The following ZRANB1 variants were observed in gnomAD, a reference collection of about 807,000 sequenced individuals.
ZRANB1 encodes ubiquitin thioesterase ZRANB1.
In ZRANB1, 16 loss-of-function variants were observed where a neutral mutation model predicts 80.5. The ratio of observed to expected loss-of-function variants is 0.20; its 90% CI spans 0.13 to 0.30. The LOEUF (loss-of-function observed/expected upper bound fraction) is 0.30. Ranked by LOEUF, ZRANB1 falls within the 10% of genes least tolerant of loss-of-function variation. ZRANB1 has a pLI of 1.00. For synonymous variants in ZRANB1, 291 were observed against 293.1 expected, an observed-to-expected ratio of 0.99 and a Z score of 0.07; for missense variants, 576 against 862.6, an observed-to-expected ratio of 0.67 and a Z score of 4.16.
intron 1 of ZRANB1, among the ~76,000 whole-genome samples, chr10:124,964,678 T>G (rs1951763300): frequency 1.3e-5 from 2 of 152,204 alleles, no homozygotes; most frequent in Non-Finnish European, 2.9e-5. Context: ...TTGGAAGTGT[T>G]TGGAACATTT....
chr10:124,959,908 G>A (rs1440081236), intron 1 of ZRANB1, among the ~76,000 whole-genome samples: 2 of 152,224 alleles, frequency 1.3e-5, no homozygotes, highest in Non-Finnish European at 1.5e-5. Context: ...TATAGCTGGG[G>A]TAGAGTCAGT....
the ZRANB1 span, among the ~76,000 whole-genome samples, chr10:124,935,305 G>C: frequency 6.6e-6 from 1 of 152,324 alleles, no homozygotes; most frequent in Non-Finnish European, 1.5e-5. Flanking sequence ...ATCTGGTCAA[G>C]GATATAGGAA....
chr10:124,922,256 GTAAAATATATATATATATA>G, the ZRANB1 span, among the ~76,000 whole-genome samples: 1 of 110,500 alleles, frequency 9.0e-6, no homozygotes, highest in Non-Finnish European at 1.8e-5. Flanking sequence ...ATATATATAT[GTAAAATATATATATATATA>G]TGTAAAATAT....
intron 5 of ZRANB1, among the ~76,000 whole-genome samples, chr10:124,979,143 A>G (rs941350404): frequency 1.3e-5 from 2 of 152,202 alleles, no homozygotes; most frequent in African/African-American, 4.8e-5. Context: ...TGGAATCTTC[A>G]TACATTGCTG....
chr10:124,961,892 TA>T (rs1440023502), intron 1 of ZRANB1, among the ~76,000 whole-genome samples: 1 of 152,222 alleles, frequency 6.6e-6, no homozygotes, highest in Non-Finnish European at 1.5e-5. Flanking sequence ...GCACTGTTAC[TA>T]GGAATAGAAA....
the ZRANB1 span, among the ~76,000 whole-genome samples, chr10:124,931,552 G>A: frequency 1.3e-5 from 2 of 152,024 alleles, no homozygotes; most frequent in African/African-American, 2.4e-5. Context: ...TGTATTTTTG[G>A]TAGAGACAAG....
chr10:124,930,327 G>A, the ZRANB1 span, among the ~76,000 whole-genome samples: 1 of 152,102 alleles, frequency 6.6e-6, no homozygotes, highest in African/African-American at 2.4e-5. Context: ...GTGCAGTGGT[G>A]CAACCTTGGC....
chr10:124,939,096 G>A (rs1196728449), upstream of ZRANB1, among the ~76,000 whole-genome samples: 1 of 152,108 alleles, frequency 6.6e-6, no homozygotes, highest in Non-Finnish European at 1.5e-5. Context: ...AGATTCACTT[G>A]AACCTGGGAG....
intron 1 of ZRANB1, among the ~76,000 whole-genome samples, chr10:124,946,759 TTAC>T (rs1164369478): frequency 6.6e-6 from 1 of 152,208 alleles, no homozygotes; most frequent in African/African-American, 2.4e-5. Context: ...TTAAACTTGT[TTAC>T]ATTGTGTTGG....
At chr10:124,963,468 G>T (rs532208398) in intron 1 of ZRANB1, among the ~76,000 whole-genome samples, 5 of 142,388 alleles carry the variant, frequency 3.5e-5, no homozygotes, top group African/African-American at 2.6e-5. Flanking sequence ...TTATTCTTAC[G>T]TTCTTTTTAT....
intron 1 of ZRANB1, among the ~76,000 whole-genome samples, chr10:124,957,154 T>G (rs1487920338): frequency 7.0e-6 from 1 of 143,832 alleles, no homozygotes; most frequent in East Asian, 2.1e-4. Flanking sequence ...CAGTCTTCTC[T>G]AATCTAGAAC....
At chr10:124,979,323 C>G (rs899866376) in intron 5 of ZRANB1, among the ~76,000 whole-genome samples, 1 of 152,148 alleles carries the variant, frequency 6.6e-6, no homozygotes, top group African/African-American at 2.4e-5. Flanking sequence ...ATTGCTCATT[C>G]CTATAGCGTC....
chr10:124,934,495 T>C, the ZRANB1 span, among the ~76,000 whole-genome samples: 5 of 152,358 alleles, frequency 3.3e-5, no homozygotes, highest in African/African-American at 1.2e-4. Context: ...GCTTATGGGT[T>C]GCCACAGTGC....
chr10:124,930,880 A>G, the ZRANB1 span, among the ~76,000 whole-genome samples: 1 of 151,984 alleles, frequency 6.6e-6, no homozygotes. Flanking sequence ...AAATTTAAAA[A>G]ATAGCTCGGT....
In ZRANB1 at chr10:124,988,060, G is replaced by T. The variant is rs1248633129; in HGVS notation, c.*3068G>T. ...TTAAAGTCAGAACTCTAAAAGTTGAGCAACTTTGTTTTTTTTTGAATTGAT... is the reference window on the plus strand; with the variant it reads ...TTAAAGTCAGAACTCTAAAAGTTGATCAACTTTGTTTTTTTTTGAATTGAT... On this transcript the variant is annotated 3_prime_UTR_variant, in exon 9 of 9. Coordinates refer to ENST00000359653, the MANE Select transcript of ZRANB1 (RefSeq NM_017580.3). The T allele has an allele frequency of 1.4e-5, 2 of 147,954 alleles. No individual in the cohort carries two copies. The highest frequency in any genetic ancestry group is 2.0e-4 in the East Asian group (1 of 4,978). The allele number at this position is 147,954 out of a possible 1,614,324, so 9.2% of individuals were successfully genotyped here.
chr10:124,961,087 C>T (rs111937911), intron 1 of ZRANB1, among the ~76,000 whole-genome samples: 4,121 of 151,756 alleles, frequency 0.027, 166 homozygotes, highest in African/African-American at 0.093. Flanking sequence ...CTGCAACCTC[C>T]GCCACCTGGG....
rs370582622 is a variant in ZRANB1, at chr10:124,942,489, G to A, written c.-5G>A. 4.5e-5 allele frequency: 72 copies of A among 1,614,026 alleles called. No individual in the cohort carries two copies. In the Middle Eastern group the frequency reaches 4.9e-4, roughly 11 times the overall value. On this transcript the variant is annotated 5_prime_UTR_variant, in exon 1 of 9. Coordinates refer to ENST00000359653, the MANE Select transcript of ZRANB1 (RefSeq NM_017580.3). ...CCTGACACAGCTCACTTCAAGAAGT[G>A]CACAATGTCAGAACGTGGAATTAAG...
intron 1 of ZRANB1, among the ~76,000 whole-genome samples, chr10:124,961,257 C>T (rs949301021): frequency 9.2e-5 from 14 of 151,944 alleles, no homozygotes; most frequent in Admixed American, 2.6e-4. Context: ...CCACCCACCT[C>T]GGCCTCCCAA....
chr10:124,945,142 T>G (rs1951569341), intron 1 of ZRANB1: 1 of 152,216 alleles, frequency 6.6e-6, no homozygotes, highest in South Asian at 2.1e-4. Context: ...CATTTGGCAT[T>G]TAGTGCATTC....
Sources: allele counts gnomAD v4.1 joint callset (sites outside exome capture counted in the v4.1 genomes callset), GRCh38; gene constraint gnomAD v4.1.1; transcripts MANE v1.5; gene names NCBI Gene and HGNC (gene_info 2026-07-23, HGNC 2026-07-21).